Variants in RPH3A observed in about 807,000 individuals in gnomAD.
RPH3A encodes the protein rabphilin-3A.
Under a neutral mutation model 102.2 loss-of-function variants are expected in RPH3A, and 48 were observed. The ratio of observed to expected loss-of-function variants is 0.47; its 90% CI spans 0.37 to 0.60. RPH3A has a LOEUF of 0.60. Ranked by LOEUF, RPH3A falls within the 20% of genes least tolerant of loss-of-function variation. The probability of loss-of-function intolerance (pLI) is 0.00; values close to 1 mark genes in which losing one functional copy is unlikely to be tolerated. For synonymous variants in RPH3A, 310 were observed against 324.3 expected, an observed-to-expected ratio of 0.96 and a Z score of 0.47; for missense variants, 781 against 910.1, an observed-to-expected ratio of 0.86 and a Z score of 1.83.
At chr12:112,580,692 C>T (rs2039394562) in intron 1 of RPH3A, among the ~76,000 whole-genome samples, 1 of 152,106 alleles carries the variant, frequency 6.6e-6, no homozygotes, top group Non-Finnish European at 1.5e-5. Context: ...AGACGTGAGC[C>T]ACCGCGCCTG....
intron 2 of RPH3A, among the ~76,000 whole-genome samples, chr12:112,826,841 A>G (rs1441077807): frequency 6.6e-6 from 1 of 152,200 alleles, no homozygotes; most frequent in Admixed American, 6.5e-5. Context: ...CTCTCTGTTG[A>G]TAGGCATTTG....
chr12:112,576,544 C>T (rs1020954940), intron 1 of RPH3A, among the ~76,000 whole-genome samples: 1 of 151,730 alleles, frequency 6.6e-6, no homozygotes, highest in Non-Finnish European at 1.5e-5. Flanking sequence ...TTAGTAGAGA[C>T]GGGGTTTTGC....
chr12:112,858,084 G>A (rs1321432216), intron 5 of RPH3A, among the ~76,000 whole-genome samples: 1 of 151,866 alleles, frequency 6.6e-6, no homozygotes, highest in East Asian at 1.9e-4. Flanking sequence ...ACGAGCCTGA[G>A]CAATATAGTG....
At chr12:112,694,676 A>G (rs1488187284) in intron 1 of RPH3A, among the ~76,000 whole-genome samples, 1 of 145,218 alleles carries the variant, frequency 6.9e-6, no homozygotes, top group Non-Finnish European at 1.5e-5. Flanking sequence ...ACACACACAC[A>G]CACACACAGA....
chr12:112,779,789 C>T (rs1480127938), intron 1 of RPH3A, among the ~76,000 whole-genome samples: 3 of 152,106 alleles, frequency 2.0e-5, no homozygotes. Flanking sequence ...GAAATAGAGT[C>T]CTTGCAGATA....
intron 2 of RPH3A, among the ~76,000 whole-genome samples, chr12:112,811,537 C>G (rs187068871): frequency 6.7e-6 from 1 of 148,848 alleles, no homozygotes; most frequent in Admixed American, 6.7e-5. Context: ...AACCCCCCCC[C>G]CAAAAAAAAG....
At chr12:112,615,855 T>A (rs574376809) in intron 1 of RPH3A, among the ~76,000 whole-genome samples, 1 of 152,284 alleles carries the variant, frequency 6.6e-6, no homozygotes, top group South Asian at 2.1e-4. Context: ...GGGGTTTTCA[T>A]AAACATGAAG....
intron 1 of RPH3A, among the ~76,000 whole-genome samples, chr12:112,675,198 T>C (rs1226717742): frequency 6.6e-6 from 1 of 152,190 alleles, no homozygotes. Flanking sequence ...TGTTGTTGTT[T>C]TGTATTTCTC....
intron 1 of RPH3A, among the ~76,000 whole-genome samples, chr12:112,738,797 C>T (rs2189276): frequency 1.3e-5 from 2 of 152,296 alleles, no homozygotes; most frequent in South Asian, 4.1e-4. Flanking sequence ...TTTCATAATC[C>T]TAATTGTGGC....
intron 1 of RPH3A, among the ~76,000 whole-genome samples, chr12:112,593,677 C>G (rs1390032000): frequency 2.0e-5 from 3 of 152,184 alleles, no homozygotes; most frequent in Admixed American, 2.0e-4. Context: ...GAAGGGAGAA[C>G]CAACTCTTAT....
chr12:112,616,490 A>G (rs2039681005), intron 1 of RPH3A, among the ~76,000 whole-genome samples: 1 of 152,198 alleles, frequency 6.6e-6, no homozygotes, highest in Non-Finnish European at 1.5e-5. Context: ...GAGACTTTTC[A>G]AAATGTTTTT....
At chr12:112,693,295 A>T (rs1303430034) in intron 1 of RPH3A, among the ~76,000 whole-genome samples, 1 of 152,226 alleles carries the variant, frequency 6.6e-6, no homozygotes, top group East Asian at 1.9e-4. Context: ...GAGTTTGTGC[A>T]TGACACAGCT....
chr12:112,889,160 A>G (rs2043051202), intron 17 of RPH3A, among the ~76,000 whole-genome samples: 1 of 152,246 alleles, frequency 6.6e-6, no homozygotes, highest in Non-Finnish European at 1.5e-5. Context: ...AAGGATTTCC[A>G]CTGAATTCCA....
At chr12:112,852,913 T>G (rs958377037) in intron 5 of RPH3A, among the ~76,000 whole-genome samples, 5 of 152,218 alleles carry the variant, frequency 3.3e-5, no homozygotes, top group Non-Finnish European at 7.4e-5. Flanking sequence ...ATCTTGCCTG[T>G]GAAGGGACTG....
intron 1 of RPH3A, among the ~76,000 whole-genome samples, chr12:112,640,029 G>GCCAGGCAT (rs2039875543): frequency 2.0e-5 from 3 of 151,932 alleles, no homozygotes. Context: ...TTCAAAGCAG[G>GCCAGGCAT]GCTCTGGCTG....
intron 5 of RPH3A, among the ~76,000 whole-genome samples, chr12:112,859,292 A>G (rs747426229): frequency 6.6e-6 from 1 of 152,202 alleles, no homozygotes; most frequent in Non-Finnish European, 1.5e-5. Flanking sequence ...AGGTTTTTTC[A>G]AGGTCATTGA....
At chr12:112,600,983 A>T (rs967352705) in intron 1 of RPH3A, among the ~76,000 whole-genome samples, 4 of 152,314 alleles carry the variant, frequency 2.6e-5, no homozygotes, top group Non-Finnish European at 4.4e-5. Flanking sequence ...GAAATGCCAG[A>T]TGCTTATAAA....
chr12:112,739,950 C>A (rs916925903), intron 1 of RPH3A, among the ~76,000 whole-genome samples: 1 of 152,148 alleles, frequency 6.6e-6, no homozygotes, highest in Admixed American at 6.5e-5. Flanking sequence ...TCATCCCCCC[C>A]CAGCCTTGGG....
At chr12:112,679,596 T>A (rs1165463605) in intron 1 of RPH3A, among the ~76,000 whole-genome samples, 1 of 152,150 alleles carries the variant, frequency 6.6e-6, no homozygotes, top group Non-Finnish European at 1.5e-5. Flanking sequence ...CGGCTAATTT[T>A]CATATTTTTA....
Sources: gnomAD v4.1 joint callset for allele counts (sites outside exome capture counted in the v4.1 genomes callset) on GRCh38, gnomAD v4.1.1 for gene constraint, MANE v1.5 for transcripts, NCBI Gene and HGNC (gene_info 2026-07-23, HGNC 2026-07-21) for gene names.